KIAA1586: variants seen among roughly 807,000 people sequenced by gnomAD.
The protein encoded by KIAA1586 is E3 SUMO-protein ligase KIAA1586.
KIAA1586 carries 5 observed loss-of-function variants against 6.1 expected under a neutral mutation model. The ratio of observed to expected loss-of-function variants is 0.82; its 90% CI spans 0.43 to 1.73. KIAA1586 has a LOEUF of 1.73. Ranked by LOEUF, KIAA1586 falls within the 40% of genes most tolerant of loss-of-function variation. The pLI, the probability that KIAA1586 is intolerant of heterozygous loss-of-function variation, is 0.02. For synonymous variants in KIAA1586, 280 were observed against 301.7 expected (o/e 0.93, Z 0.75); for missense variants, 899 against 878.2 (o/e 1.02, Z -0.30).
chr6:57,054,517 A>T lies in KIAA1586; in HGVS notation c.2018A>T (p.Glu673Val), dbSNP rs1299619309. ...GAAGTTGATTTGAATGATTTTCGGG[A>T]ATTTGTAAATAATAATATAAAATCA... The part of the protein sequence containing the change: ...KYEVDLNDFR[E>V]FVNNNIKSNN... Residue 673 changes from glutamate (E) to valine (V), a missense_variant, in exon 4 of 4, where the codon GAA becomes GTA. Physicochemically the swap from Glu to Val is moderately radical, Grantham distance 121. Coordinates refer to ENST00000370733, the MANE Select transcript of KIAA1586 (RefSeq NM_020931.4). 1 of 1,593,264 alleles carries T rather than the reference A, an allele frequency of 6.3e-7. No homozygotes were observed. The highest frequency in any genetic ancestry group is 1.4e-5 in the African/African-American group (1 of 73,774).
chr6:57,062,127 C>T, the KIAA1586 span, among the ~76,000 whole-genome samples: 4 of 151,668 alleles, frequency 2.6e-5, no homozygotes, highest in Admixed American at 1.3e-4. Flanking sequence ...GACAGGTTTT[C>T]ACCATGTTGC....
intron 2 of KIAA1586, among the ~76,000 whole-genome samples, chr6:57,050,204 C>T (rs1053506492): frequency 1.3e-5 from 2 of 150,098 alleles, no homozygotes; most frequent in Non-Finnish European, 3.0e-5. Context: ...TGGCTTTATT[C>T]CTCTATATAG....
rs546621399 is a variant in KIAA1586, at chr6:57,053,448, A to G, written c.949A>G (p.Ile317Val). 1 of 1,611,390 alleles carries G rather than the reference A, an allele frequency of 6.2e-7. No homozygotes were observed. Among genetic ancestry groups the G allele is most frequent in the Non-Finnish European group, 8.5e-7 (1 of 1,178,770 alleles). ...AGAAGAGAATGCCAAAATCTGTATC[A>G]TAATTGATGAGGCATCTACAGTTTC... ...IIEENAKICI[I>V]IDEASTVSKK... The change falls in exon 4 of 4, where the codon ATA becomes GTA. Residue 317 changes from isoleucine (I) to valine (V), a missense_variant. Coordinates refer to ENST00000370733, the MANE Select transcript of KIAA1586 (RefSeq NM_020931.4).
At chr6:57,063,945 TA>T in the KIAA1586 span, among the ~76,000 whole-genome samples, 1 of 152,194 alleles carries the variant, frequency 6.6e-6, no homozygotes, top group African/African-American at 2.4e-5. Context: ...CCTTAGGTTC[TA>T]AATACAGCAT....
chr6:57,048,329 A>C (rs1828236179), intron 2 of KIAA1586, among the ~76,000 whole-genome samples: 1 of 152,144 alleles, frequency 6.6e-6, no homozygotes, highest in Admixed American at 6.5e-5. Flanking sequence ...TAGTTTTTGT[A>C]GGTTTAGGGC....
intron 3 of KIAA1586, among the ~76,000 whole-genome samples, chr6:57,052,125 A>G (rs1828345498): frequency 6.6e-6 from 1 of 152,174 alleles, no homozygotes; most frequent in African/African-American, 2.4e-5. Context: ...TCATGTTGCT[A>G]CTACAGTCAG....
the KIAA1586 span, among the ~76,000 whole-genome samples, chr6:57,066,551 G>A: frequency 6.6e-6 from 1 of 152,130 alleles, no homozygotes; most frequent in Non-Finnish European, 1.5e-5. Context: ...AAGTTTCCTT[G>A]GTTTTCCTGG....
the KIAA1586 span, among the ~76,000 whole-genome samples, chr6:57,066,696 C>T: frequency 6.6e-6 from 1 of 152,122 alleles, no homozygotes; most frequent in Non-Finnish European, 1.5e-5. Flanking sequence ...ATGGGTGAAT[C>T]CTTTGAACTT....
chr6:57,059,009 AAAAAT>A (rs1377024073), downstream of KIAA1586, among the ~76,000 whole-genome samples: 4 of 152,174 alleles, frequency 2.6e-5, no homozygotes, highest in South Asian at 2.1e-4. Context: ...TGTGGATATG[AAAAAT>A]AAAATAAAAT....
In KIAA1586 at chr6:57,053,382, A is replaced by G. The variant is rs998736283; in HGVS notation, c.883A>G (p.Ile295Val). 3.4e-5 allele frequency: 55 copies of G among 1,609,298 alleles called. No homozygotes were observed. The highest frequency in any genetic ancestry group is 4.5e-5 in the Non-Finnish European group (53 of 1,178,064). Residue 295 changes from isoleucine (I) to valine (V), a missense_variant, in exon 4 of 4, where the codon ATT (isoleucine) becomes GTT (valine). Physicochemically the swap from Ile to Val is conservative, Grantham distance 29. Coordinates refer to ENST00000370733, the MANE Select transcript of KIAA1586 (RefSeq NM_020931.4). ...RYSATRIAEH[I>V]AKEMKMKIFK... ...CAGTGCAACAAGAATAGCAGAACATATTGCAAAAGAAATGAAGATGAAGAT... is the reference window on the plus strand; with the variant it reads ...CAGTGCAACAAGAATAGCAGAACATGTTGCAAAAGAAATGAAGATGAAGAT...
chr6:57,054,411 A>G lies in KIAA1586; in HGVS notation c.1912A>G (p.Thr638Ala), dbSNP rs759612762. 43 of 1,610,160 alleles carry G rather than the reference A, an allele frequency of 2.7e-5. No homozygotes were observed. The highest frequency in any genetic ancestry group is 3.6e-5 in the Non-Finnish European group (43 of 1,178,282). Residue 638 changes from threonine (T) to alanine (A), a missense_variant, in exon 4 of 4, where the codon ACA becomes GCA. Transcript: ENST00000370733. ...TTACTTTGATTTGCTGGAACCTTCC[A>G]CATGGCCTTATGAAGAAATAACTTC... ...FNYFDLLEPS[T>A]WPYEEITSPW...
rs773524947 is a variant in KIAA1586, at chr6:57,054,440, A to G, written c.1941A>G (p.Pro647=). 4.6e-5 allele frequency: 74 copies of G among 1,607,810 alleles called. No individual in the cohort carries two copies. Among genetic ancestry groups the G allele is most frequent in the Non-Finnish European group, 5.8e-5 (68 of 1,177,450 alleles). ...GGCCTTATGAAGAAATAACTTCACC[A>G]TGGATAGCTGGTGAAAAAACATTAT... ...STWPYEEITS[P]WIAGEKTLFH... is the part of the protein sequence containing the mutation. The change falls in exon 4 of 4, where the codon CCA becomes CCG. Residue 647 remains proline, a synonymous_variant. Coordinates refer to ENST00000370733, the MANE Select transcript of KIAA1586 (RefSeq NM_020931.4).
intron 2 of KIAA1586, among the ~76,000 whole-genome samples, chr6:57,048,977 ACT>A (rs773099551): frequency 1.3e-3 from 192 of 151,724 alleles, no homozygotes; most frequent in Non-Finnish European, 2.1e-3. Flanking sequence ...GAGGTTTAAA[ACT>A]CTTACTTTAA....
chr6:57,056,581 T>C (rs1261597987), downstream of KIAA1586, among the ~76,000 whole-genome samples: 4 of 150,004 alleles, frequency 2.7e-5, no homozygotes, highest in East Asian at 2.0e-4. Flanking sequence ...AGGGTCCTGC[T>C]ATGTCACCCA....
rs370896018 is a variant in KIAA1586, at chr6:57,053,931, C to A, written c.1432C>A (p.Arg478=). 2 of 1,580,574 alleles carry A rather than the reference C, an allele frequency of 1.3e-6. No homozygotes were observed. Among genetic ancestry groups the A allele is most frequent in the East Asian group, 2.2e-5 (1 of 44,526 alleles). ...TGAAACTGAAATTATTAAAATTGGT[C>A]GAGTAATGGGACCAAGATGGGCGGC... ...ELETEIIKIG[R]VMGPRWAACS... is the part of the protein sequence containing the mutation. The change falls in exon 4 of 4, where the codon CGA becomes AGA. Residue 478 remains arginine, a synonymous_variant. Transcript: ENST00000370733.
rs753101161 is a variant in KIAA1586 at position 57,054,391 on chromosome 6, T to A, written c.1892T>A (p.Phe631Tyr). ...DRNHEDIFNY[F>Y]DLLEPSTWPY... is the part of the protein sequence containing the mutation. ...AACCATGAAGATATTTTTAATTACT[T>A]TGATTTGCTGGAACCTTCCACATGG... The change falls in exon 4 of 4, where the codon TTT becomes TAT. Residue 631 changes from phenylalanine (F) to tyrosine (Y), a missense_variant. Phe to Tyr is a conservative substitution (Grantham distance 22). Transcript: ENST00000370733. 2 of 1,609,154 alleles carry A rather than the reference T, an allele frequency of 1.2e-6. No homozygotes were observed. The highest frequency in any genetic ancestry group is 1.7e-6 in the Non-Finnish European group (2 of 1,178,272).
At chr6:57,057,548 A>C (rs1828516655), downstream of KIAA1586, among the ~76,000 whole-genome samples, 1 of 152,072 alleles carries the variant, frequency 6.6e-6, no homozygotes, top group Non-Finnish European at 1.5e-5. Flanking sequence ...TGAGGTCAGG[A>C]GTTCGAGACC....
chr6:57,063,009 T>G, the KIAA1586 span, among the ~76,000 whole-genome samples: 8 of 151,898 alleles, frequency 5.3e-5, no homozygotes, highest in Admixed American at 2.6e-4. Flanking sequence ...GAGCCGAGAT[T>G]GCGCCACTGC....
At position 57,053,701 on chromosome 6, in the gene KIAA1586, G is replaced by C. The variant is rs753396073; in HGVS notation, c.1202G>C (p.Gly401Ala). 2 of 1,610,770 alleles carry C rather than the reference G, an allele frequency of 1.2e-6. No homozygotes were observed. Among genetic ancestry groups the C allele is most frequent in the African/African-American group, 2.7e-5 (2 of 74,834 alleles). ...GANTILGRKS[G>A]VATKLLENFP... is the part of the protein sequence containing the mutation. ...AATACAATCCTGGGAAGAAAGTCTG[G>C]AGTAGCTACAAAATTGTTAGAAAAT... The change falls in exon 4 of 4, where the codon GGA becomes GCA. Residue 401 changes from glycine (G) to alanine (A), a missense_variant. Physicochemically the swap from Gly to Ala is moderately conservative, Grantham distance 60. Transcript: ENST00000370733.
Sources: gnomAD v4.1 joint callset for allele counts (sites outside exome capture counted in the v4.1 genomes callset) on GRCh38, gnomAD v4.1.1 for gene constraint, MANE v1.5 for transcripts, NCBI Gene and HGNC (gene_info 2026-07-23, HGNC 2026-07-21) for gene names.